Variants in AP1G1 observed in about 807,000 individuals in gnomAD.
AP1G1 encodes the protein AP-1 complex subunit gamma-1.
In AP1G1, 7 loss-of-function variants were observed where a neutral mutation model predicts 108.3. That is an observed-to-expected ratio of 0.06 (90% confidence interval 0.04 to 0.12). The LOEUF (loss-of-function observed/expected upper bound fraction) is 0.12. Among genes scored for constraint, AP1G1 ranks in the 10% least tolerant of loss-of-function variants. AP1G1 has a pLI of 1.00. For synonymous variants in AP1G1, 379 were observed against 353.5 expected (o/e 1.07, Z -0.81); for missense variants, 756 against 1,010.7 (o/e 0.75, Z 3.42).
intron 2 of AP1G1, among the ~76,000 whole-genome samples, chr16:71,783,896 T>C (rs1020752877): frequency 1.2e-4 from 19 of 152,188 alleles, no homozygotes; most frequent in African/African-American, 3.1e-4. Context: ...GTGGAAGAAT[T>C]TGGCCCCGAG....
chr16:71,760,558 A>G (rs1484758240), intron 10 of AP1G1, among the ~76,000 whole-genome samples: 1 of 151,598 alleles, frequency 6.6e-6, no homozygotes, highest in Non-Finnish European at 1.5e-5. Context: ...AAAAAAAAAA[A>G]AAAAGAAACA....
intron 1 of AP1G1, among the ~76,000 whole-genome samples, chr16:71,800,513 C>G (rs1028317147): frequency 6.6e-6 from 1 of 151,148 alleles, no homozygotes; most frequent in African/African-American, 2.4e-5. Flanking sequence ...GAAACCCCCC[C>G]GTCTCGGGTC....
At chr16:71,772,330 C>G (rs1435141024) in intron 4 of AP1G1, among the ~76,000 whole-genome samples, 2 of 152,082 alleles carry the variant, frequency 1.3e-5, no homozygotes, top group Admixed American at 6.6e-5. Flanking sequence ...GGGGTTTCAC[C>G]ATGTTAGCCA....
chr16:71,741,704 T>A (rs185024393), intron 19 of AP1G1, among the ~76,000 whole-genome samples: 10 of 152,186 alleles, frequency 6.6e-5, no homozygotes, highest in Non-Finnish European at 1.5e-5. Context: ...CAGCAGATTA[T>A]CAATGAAGCA....
chr16:71,772,866 A>T, intron 4 of AP1G1: 1 of 330,740 alleles, frequency 3.0e-6, no homozygotes, highest in Non-Finnish European at 5.9e-6. Context: ...TCCCAATAGA[A>T]CTGCCCTTCC....
intron 17 of AP1G1, 98 bp from the exon 18 acceptor site, chr16:71,745,712 T>G (rs1158821508): frequency 9.2e-6 from 9 of 976,542 alleles, no homozygotes; most frequent in Non-Finnish European, 1.5e-5. Context: ...CATGGAGATC[T>G]ATCTCCCCTC....
chr16:71,752,506 C>T (rs530518020), intron 13 of AP1G1, among the ~76,000 whole-genome samples: 13 of 152,038 alleles, frequency 8.6e-5, no homozygotes, highest in Non-Finnish European at 1.6e-4. Flanking sequence ...TAATTTTCTC[C>T]CTACAGATGT....
chr16:71,762,952 G>T (rs541598285), intron 9 of AP1G1, among the ~76,000 whole-genome samples: 1 of 152,276 alleles, frequency 6.6e-6, no homozygotes, highest in East Asian at 1.9e-4. Flanking sequence ...CTCAAACTGT[G>T]GGATGTGACA....
At chr16:71,803,356 T>G (rs1297470749) in intron 1 of AP1G1, among the ~76,000 whole-genome samples, 1 of 152,230 alleles carries the variant, frequency 6.6e-6, no homozygotes, top group Non-Finnish European at 1.5e-5. Flanking sequence ...ATTTACTAAT[T>G]AAATCTCTCC....
At chr16:71,756,271 T>A (rs756616103) in intron 11 of AP1G1, 112 bp from the exon 12 acceptor site, 13 of 840,330 alleles carry the variant, frequency 1.5e-5, no homozygotes, top group Non-Finnish European at 2.1e-5. Context: ...CTGACGTCCT[T>A]GCACGATCTT....
chr16:71,780,500 A>T (rs1489616213), intron 2 of AP1G1, among the ~76,000 whole-genome samples: 1 of 150,280 alleles, frequency 6.7e-6, no homozygotes, highest in Non-Finnish European at 1.5e-5. Flanking sequence ...CTTAATTTAA[A>T]AAAAAAAAAA....
intron 6 of AP1G1, 188 bp downstream of exon 6, chr16:71,769,435 A>G (rs768238995): frequency 4.7e-5 from 28 of 593,228 alleles, no homozygotes; most frequent in Admixed American, 5.2e-5. Context: ...GGGAAAACAC[A>G]ATACTAGTGC....
rs1478348409 is a variant in AP1G1 at position 71,750,305 on chromosome 16, C to G, written c.1312G>C (p.Val438Leu). 1 of 1,613,950 alleles carries G rather than the reference C, an allele frequency of 6.2e-7. No individual in the cohort carries two copies. The highest frequency in any genetic ancestry group is 8.5e-7 in the Non-Finnish European group (1 of 1,179,984). Residue 438 changes from valine (V) to leucine (L), a missense_variant, in exon 14 of 23, where the codon GTC becomes CTC. By Grantham distance (32) the Val-to-Leu change is conservative. This residue lies in a region of AP1G1 where 357 missense variants were observed against 366.5 expected (regional missense o/e 0.97). Transcript: ENST00000299980. ...TAGSYVRDDA[V>L]PNLIQLITNS... ...GTTATTAACTGGATTAAATTGGGGA[C>G]TGCATCATCACGAACATAACTTCCT... is the stretch of plus-strand genomic sequence containing the variant.
At chr16:71,792,876 T>C (rs990053733) in intron 1 of AP1G1, among the ~76,000 whole-genome samples, 1 of 147,006 alleles carries the variant, frequency 6.8e-6, no homozygotes, top group Admixed American at 6.7e-5. Context: ...AAAAAAGGAA[T>C]TACAAGTGAG....
At chr16:71,792,297 G>A (rs909330750) in intron 1 of AP1G1, among the ~76,000 whole-genome samples, 3 of 152,150 alleles carry the variant, frequency 2.0e-5, no homozygotes, top group Non-Finnish European at 4.4e-5. Context: ...GTTAAGCTAT[G>A]TCCCTTTTGG....
intron 4 of AP1G1, chr16:71,772,854 G>C (rs1413507574): frequency 9.8e-6 from 3 of 305,716 alleles, no homozygotes; most frequent in South Asian, 2.8e-5. Context: ...TAATTATCTA[G>C]GTCCCAATAG....
intron 11 of AP1G1, among the ~76,000 whole-genome samples, chr16:71,757,503 G>A (rs973327661): frequency 2.0e-5 from 3 of 151,812 alleles, no homozygotes; most frequent in Non-Finnish European, 4.4e-5. Context: ...TAACATGTAA[G>A]TAGCAAAAAA....
intron 2 of AP1G1, 42 bp from the exon 3 acceptor site, chr16:71,774,634 C>G: frequency 6.5e-7 from 1 of 1,535,818 alleles, no homozygotes; most frequent in Non-Finnish European, 8.7e-7. Context: ...TTAAAACTTG[C>G]TACCACAATC....
chr16:71,735,310 C>A (rs972608943), intron 21 of AP1G1, among the ~76,000 whole-genome samples: 13 of 152,136 alleles, frequency 8.5e-5, no homozygotes, highest in Non-Finnish European at 1.8e-4. Flanking sequence ...CTAGATAAGC[C>A]AAACAGTATT....
Sources: allele counts gnomAD v4.1 joint callset (sites outside exome capture counted in the v4.1 genomes callset), GRCh38; gene constraint gnomAD v4.1.1; regional missense constraint gnomAD v4.1.1; transcripts MANE v1.5; gene names NCBI Gene and HGNC (gene_info 2026-07-23, HGNC 2026-07-21).